C10orf90: variants seen among roughly 807,000 people sequenced by gnomAD.
The protein encoded by C10orf90 is chromosome 10 open reading frame 90.
C10orf90 carries 56 observed loss-of-function variants against 62.5 expected under a neutral mutation model. The ratio of observed to expected loss-of-function variants is 0.90; its 90% CI spans 0.72 to 1.12. The LOEUF (loss-of-function observed/expected upper bound fraction) is 1.12, where lower values mean the gene tolerates loss of function less well. Ranked by LOEUF, C10orf90 falls within the 50% of genes most tolerant of loss-of-function variation. C10orf90 has a pLI of 0.00. For synonymous variants in C10orf90, 386 were observed against 340.4 expected (o/e 1.13, Z -1.47); for missense variants, 970 against 880.4 (o/e 1.10, Z -1.29).
intron 2 of C10orf90, among the ~76,000 whole-genome samples, chr10:126,578,512 A>G (rs1595230): frequency 0.62 from 94,590 of 152,072 alleles, 30,281 homozygotes; most frequent in African/African-American, 0.78. Context: ...GGAGCAACTA[A>G]AATTCTCAAG....
chr10:126,609,886 G>A (rs940545064), intron 2 of C10orf90, among the ~76,000 whole-genome samples: 6 of 152,304 alleles, frequency 3.9e-5, no homozygotes, highest in Admixed American at 3.3e-4. Context: ...CCAGTGTAAT[G>A]AGATCAGGAG....
chr10:126,458,761 C>T (rs532703335), intron 7 of C10orf90, among the ~76,000 whole-genome samples: 1 of 152,190 alleles, frequency 6.6e-6, no homozygotes, highest in Non-Finnish European at 1.5e-5. Flanking sequence ...GAACTTGCTA[C>T]CCTGGCTGCT....
intron 2 of C10orf90, among the ~76,000 whole-genome samples, chr10:126,565,374 T>A (rs1275584496): frequency 5.1e-5 from 2 of 39,134 alleles, no homozygotes; most frequent in African/African-American, 8.5e-5. Context: ...TTATTTTATA[T>A]AATAATATAT....
chr10:126,459,037 T>TA lies in C10orf90; in HGVS notation c.2188+2dup, dbSNP rs1432547740. The TA allele has an allele frequency of 3.1e-6, 5 of 1,610,004 alleles. No individual in the cohort carries two copies. Among genetic ancestry groups the TA allele is most frequent in the Non-Finnish European group, 4.2e-6 (5 of 1,178,386 alleles). The stretch of plus-strand genomic sequence containing the variant: ...CAGTCTCCACAAGCCACCTGCAGCT[T>TA]ACCACTCAGAGGATGGGGAATCGTG... On this transcript the variant is annotated splice_region_variant and intron_variant, in intron 7 of 9. Coordinates refer to ENST00000488181, the MANE Select transcript of C10orf90 (RefSeq NM_001350921.2).
In C10orf90 at chr10:126,504,960, A is replaced by C. The variant is rs778339954; in HGVS notation, c.531T>G (p.Arg177=). The C allele has an allele frequency of 6.2e-7, 1 of 1,614,216 alleles. No homozygotes were observed. Among genetic ancestry groups the C allele is most frequent in the Non-Finnish European group, 8.5e-7 (1 of 1,180,036 alleles). The part of the protein sequence containing the change: ...LPLPCAIAQS[R]AHHAKQSLAN... ...CCAGAGATTGCTTGGCGTGATGTGC[A>C]CGAGACTGAGCAATGGCACACGGTA... The change falls in exon 4 of 10, where the codon CGT becomes CGG. Residue 177 remains arginine (R), a synonymous_variant. Coordinates refer to ENST00000488181, the MANE Select transcript of C10orf90 (RefSeq NM_001350921.2). This position sits in a 1 kb window ranked among gnomAD's most constrained non-coding sequence, Gnocchi z 4.1.
At chr10:126,615,605 A>AC (rs1845524803) in intron 2 of C10orf90, among the ~76,000 whole-genome samples, 2 of 152,056 alleles carry the variant, frequency 1.3e-5, no homozygotes, top group African/African-American at 2.4e-5. Flanking sequence ...GTTATGTTTT[A>AC]CCCCCCTAAG....
chr10:126,502,334 TTA>T (rs1180934592), intron 4 of C10orf90, among the ~76,000 whole-genome samples: 6 of 152,392 alleles, frequency 3.9e-5, no homozygotes, highest in African/African-American at 1.4e-4. Context: ...GCCTCATGGC[TTA>T]AAGCCACTGA....
chr10:126,443,870 T>A (rs1858564500), intron 7 of C10orf90, among the ~76,000 whole-genome samples: 2 of 152,056 alleles, frequency 1.3e-5, no homozygotes, highest in South Asian at 4.1e-4. Flanking sequence ...TGGTTTAACA[T>A]ACACAAGTCA....
chr10:126,576,664 C>CAAGGAAGGA (rs1591113856), intron 2 of C10orf90, among the ~76,000 whole-genome samples: 1 of 77,850 alleles, frequency 1.3e-5, no homozygotes, highest in Non-Finnish European at 2.6e-5. Context: ...GATATGTATA[C>CAAGGAAGGA]ATATATATGT....
At chr10:126,446,315 C>G (rs932912732) in intron 7 of C10orf90, among the ~76,000 whole-genome samples, 2 of 152,160 alleles carry the variant, frequency 1.3e-5, no homozygotes, top group Middle Eastern at 3.4e-3. Context: ...CCAAAGAAGA[C>G]TACACCAAGA....
At chr10:126,441,396 C>G (rs188480935) in intron 7 of C10orf90, among the ~76,000 whole-genome samples, 7 of 151,886 alleles carry the variant, frequency 4.6e-5, no homozygotes, top group African/African-American at 1.7e-4. Context: ...TGTTAAATTA[C>G]TAAAACTAAG....
intron 2 of C10orf90, among the ~76,000 whole-genome samples, 169 bp from the exon 3 acceptor site, chr10:126,514,108 G>A (rs942685704): frequency 6.6e-6 from 1 of 152,134 alleles, no homozygotes; most frequent in African/African-American, 2.4e-5. Flanking sequence ...CTTATTTCAT[G>A]CCCTCCATTT....
chr10:126,607,458 A>C (rs774576799), intron 2 of C10orf90, among the ~76,000 whole-genome samples: 1 of 152,232 alleles, frequency 6.6e-6, no homozygotes, highest in Non-Finnish European at 1.5e-5. Flanking sequence ...ACATTTTTTC[A>C]TGATGAACAC....
At chr10:126,566,502 C>G (rs971487794) in intron 2 of C10orf90, among the ~76,000 whole-genome samples, 1 of 152,164 alleles carries the variant, frequency 6.6e-6, no homozygotes, top group Admixed American at 6.5e-5. Context: ...ACTGGGGCAG[C>G]CTTGCTGGAG....
intron 7 of C10orf90, among the ~76,000 whole-genome samples, chr10:126,452,705 C>T (rs1027412609): frequency 1.3e-5 from 2 of 152,172 alleles, no homozygotes; most frequent in African/African-American, 4.8e-5. Flanking sequence ...TTAATAAAAA[C>T]ATAAAACCTC....
chr10:126,654,396 C>G lies in C10orf90; in HGVS notation c.241-7759G>C, dbSNP rs117795347. Among the ~76,000 whole-genome samples, 979 of 152,326 alleles carry G rather than the reference C, an allele frequency of 6.4e-3. 3 individuals carry two copies. The highest frequency in any genetic ancestry group is 0.012 in the Non-Finnish European group (784 of 68,034). On this transcript the variant is annotated intron_variant, in intron 1 of 9. Transcript: ENST00000488181. ...GCCGTGCACTTTGATGTTATAGAGA[C>G]AGCTTATTTCTTTAAACCTCATGAA...
intron 2 of C10orf90, among the ~76,000 whole-genome samples, chr10:126,620,694 C>A (rs1845627539): frequency 6.8e-6 from 1 of 146,478 alleles, no homozygotes; most frequent in African/African-American, 2.5e-5. Flanking sequence ...GGAGAGAGGA[C>A]AAAAATGTCA....
At chr10:126,482,199 C>A (rs1461360437) in intron 4 of C10orf90, among the ~76,000 whole-genome samples, 2 of 152,162 alleles carry the variant, frequency 1.3e-5, no homozygotes, top group Non-Finnish European at 2.9e-5. Context: ...ATGCTTTTGT[C>A]TTGATAACCT....
At chr10:126,510,479 G>T (rs917149494) in intron 3 of C10orf90, among the ~76,000 whole-genome samples, 1 of 152,166 alleles carries the variant, frequency 6.6e-6, no homozygotes, top group Admixed American at 6.5e-5. Flanking sequence ...TTTACAAAGA[G>T]ATTTCTTTCA....
Sources: allele counts gnomAD v4.1 joint callset (sites outside exome capture counted in the v4.1 genomes callset), GRCh38; gene constraint gnomAD v4.1.1; non-coding constraint Gnocchi (gnomAD v3.1); transcripts MANE v1.5; gene names NCBI Gene and HGNC (gene_info 2026-07-23, HGNC 2026-07-21).